Variants in ADGRL2 observed in about 807,000 individuals in gnomAD.
The protein encoded by ADGRL2 is calcium-independent alpha-latrotoxin receptor 2.
Under a neutral mutation model 157.4 loss-of-function variants are expected in ADGRL2, and 44 were observed. That is an observed-to-expected ratio of 0.28 (90% confidence interval 0.22 to 0.36). The LOEUF (loss-of-function observed/expected upper bound fraction) is 0.36. Among genes scored for constraint, ADGRL2 ranks in the 10% least tolerant of loss-of-function variants. The pLI is 1.00. For missense variants in ADGRL2, 1,510 were observed against 1,768.9 expected (o/e 0.85, Z 2.63); for synonymous variants, 585 against 624.7 (o/e 0.94, Z 0.95).
intron 4 of ADGRL2, among the ~76,000 whole-genome samples, chr1:81,940,335 G>A (rs1332828829): frequency 2.0e-5 from 3 of 151,400 alleles, no homozygotes; most frequent in Admixed American, 1.3e-4. Context: ...TTCTCACTAC[G>A]CCCTTCCGTT....
At chr1:81,725,639 G>A (rs1379302414) in intron 1 of ADGRL2, among the ~76,000 whole-genome samples, 3 of 152,178 alleles carry the variant, frequency 2.0e-5, no homozygotes, top group African/African-American at 2.4e-5. Flanking sequence ...CGTGTACTTG[G>A]TTTAACTCAG....
At chr1:81,542,022 G>C (rs1253377676) in intron 2 of ADGRL2, among the ~76,000 whole-genome samples, 1 of 152,126 alleles carries the variant, frequency 6.6e-6, no homozygotes, top group Non-Finnish European at 1.5e-5. Flanking sequence ...AAAGTAACTT[G>C]CCTCAGACTT....
At chr1:81,725,677 GATTT>G (rs2084500243) in intron 1 of ADGRL2, among the ~76,000 whole-genome samples, 1 of 152,170 alleles carries the variant, frequency 6.6e-6, no homozygotes, top group Non-Finnish European at 1.5e-5. Flanking sequence ...TTCCTTATCT[GATTT>G]ATTTAACTGA....
intron 1 of ADGRL2, among the ~76,000 whole-genome samples, chr1:81,702,173 G>C (rs1430207193): frequency 6.6e-6 from 1 of 152,172 alleles, no homozygotes; most frequent in Admixed American, 6.5e-5. Context: ...ATATCTGTAA[G>C]AATAGTCATT....
At chr1:81,744,920 A>T (rs2085194675) in intron 1 of ADGRL2, among the ~76,000 whole-genome samples, 1 of 152,196 alleles carries the variant, frequency 6.6e-6, no homozygotes, top group East Asian at 1.9e-4. Flanking sequence ...TTAAAATATT[A>T]TTCCCAATAG....
At chr1:81,813,947 T>TAG (rs1393248288) in intron 1 of ADGRL2, among the ~76,000 whole-genome samples, 4 of 151,662 alleles carry the variant, frequency 2.6e-5, no homozygotes. Context: ...ACAGCTAGGG[T>TAG]AAGTTCTACC....
intron 1 of ADGRL2, among the ~76,000 whole-genome samples, chr1:81,350,786 T>C (rs1471104832): frequency 2.0e-5 from 3 of 152,178 alleles, no homozygotes; most frequent in Non-Finnish European, 4.4e-5. Flanking sequence ...TTTGGAGAAC[T>C]TGACTGTGAT....
intron 3 of ADGRL2, among the ~76,000 whole-genome samples, chr1:81,633,712 T>C (rs1228664041): frequency 6.6e-6 from 1 of 152,112 alleles, no homozygotes; most frequent in African/African-American, 2.4e-5. Context: ...AAAACTGAGT[T>C]GCCATCTTAG....
intron 2 of ADGRL2, among the ~76,000 whole-genome samples, chr1:81,500,970 T>G (rs1313490422): frequency 6.6e-6 from 1 of 152,300 alleles, no homozygotes; most frequent in African/African-American, 2.4e-5. Context: ...GAAACTTCAA[T>G]TCGAGTCAGA....
At chr1:81,714,482 G>A (rs1056405309) in intron 1 of ADGRL2, among the ~76,000 whole-genome samples, 8 of 152,126 alleles carry the variant, frequency 5.3e-5, no homozygotes, top group African/African-American at 1.4e-4. Context: ...AGGGCAGGGA[G>A]AAGGCATATA....
intron 2 of ADGRL2, among the ~76,000 whole-genome samples, chr1:81,787,428 G>T (rs2087105513): frequency 6.6e-6 from 1 of 152,086 alleles, no homozygotes; most frequent in African/African-American, 2.4e-5. Context: ...GAGGAGGAGG[G>T]TGGATCACCT....
Position 81,990,948 on chromosome 1 carries a change from T to C in ADGRL2, c.4213T>C (p.Ser1405Pro). ...CAGCCCTGACATGGAAGAAGACCTC[T>C]CTCCCTCCAGGAGGAGTGAGAATGA... ...ESSPDMEEDL[S>P]PSRRSENEDI... Residue 1405 changes from serine (S) to proline (P), a missense_variant, in exon 24 of 24, where the codon TCT becomes CCT. Physicochemically the swap from Ser to Pro is moderately conservative, Grantham distance 74. This residue lies in a region of ADGRL2 where 327 missense variants were observed against 310.1 expected (regional missense o/e 1.05). Transcript: ENST00000686636. 6.2e-7 allele frequency: 1 copy of C among 1,613,882 alleles called. No individual in the cohort carries two copies. Among genetic ancestry groups the C allele is most frequent in the Non-Finnish European group, 8.5e-7 (1 of 1,179,966 alleles).
chr1:81,848,286 C>A (rs545670406), intron 2 of ADGRL2, among the ~76,000 whole-genome samples: 1 of 151,766 alleles, frequency 6.6e-6, no homozygotes, highest in East Asian at 1.9e-4. Context: ...TATATAGGTA[C>A]CTGAGAGGTC....
At chr1:81,613,434 G>A (rs2081581813) in intron 3 of ADGRL2, among the ~76,000 whole-genome samples, 1 of 152,178 alleles carries the variant, frequency 6.6e-6, no homozygotes, top group East Asian at 1.9e-4. Flanking sequence ...GAATCTTGAA[G>A]GTCATATAGA....
rs898604506 is a variant in ADGRL2 at position 81,629,035 on chromosome 1, C to G, written c.-143+48055C>G. ...TAGGAGAAAGTCATCCTTATACCTA[C>G]CAGCTAGTAGAGTATCTGCCAATAG... On this transcript the variant is annotated intron_variant, in intron 3 of 24. Transcript: ENST00000370721. 3.9e-5 allele frequency among the ~76,000 whole-genome samples: 6 copies of G among 152,274 alleles called. No individual in the cohort carries two copies. The East Asian group carries it at 7.7e-4, about 20-fold the overall frequency.
chr1:81,581,901 C>CACAT (rs1458906666), intron 3 of ADGRL2, among the ~76,000 whole-genome samples: 1 of 151,716 alleles, frequency 6.6e-6, no homozygotes, highest in Non-Finnish European at 1.5e-5. Flanking sequence ...CACACACACA[C>CACAT]ACACACACAC....
chr1:81,928,153 A>G (rs2095151492), intron 3 of ADGRL2, among the ~76,000 whole-genome samples: 1 of 152,090 alleles, frequency 6.6e-6, no homozygotes, highest in Admixed American at 6.6e-5. Flanking sequence ...GGACTAAAAA[A>G]GACAGTGGCT....
chr1:81,644,967 A>G (rs1305785371), intron 3 of ADGRL2, among the ~76,000 whole-genome samples: 1 of 152,208 alleles, frequency 6.6e-6, no homozygotes, highest in Non-Finnish European at 1.5e-5. Context: ...TAGTTTTACC[A>G]TATATGATGT....
chr1:81,881,755 T>C (rs576598678), intron 2 of ADGRL2, among the ~76,000 whole-genome samples: 167 of 152,314 alleles, frequency 1.1e-3, no homozygotes, highest in African/African-American at 3.9e-3. Context: ...CTTCCGTGTA[T>C]GGATTGGTGA....
Sources: gnomAD v4.1 joint callset for allele counts (sites outside exome capture counted in the v4.1 genomes callset) on GRCh38, gnomAD v4.1.1 for gene constraint, gnomAD v4.1.1 regional missense constraint, MANE v1.5 for transcripts, NCBI Gene and HGNC (gene_info 2026-07-23, HGNC 2026-07-21) for gene names.